TCF7L2: variants seen among roughly 807,000 people sequenced by gnomAD.
TCF7L2 encodes the protein transcription factor 7 like 2, also known as transcription factor 7-like 2.
TCF7L2 carries 23 observed loss-of-function variants against 77.9 expected under a neutral mutation model. The observed-to-expected ratio is 0.30, with a 90% confidence interval of 0.21 to 0.42. The LOEUF (loss-of-function observed/expected upper bound fraction) is 0.42. Among genes scored for constraint, TCF7L2 ranks in the 10% least tolerant of loss-of-function variants. TCF7L2 has a pLI of 1.00. For missense variants in TCF7L2, 654 were observed against 793.1 expected, an observed-to-expected ratio of 0.82 and a Z score of 2.11; for synonymous variants, 413 against 340.2, an observed-to-expected ratio of 1.21 and a Z score of -2.36.
At chr10:113,107,769 A>AAAAAAAAAC (rs2062573207) in intron 5 of TCF7L2, among the ~76,000 whole-genome samples, 1 of 151,130 alleles carries the variant, frequency 6.6e-6, no homozygotes, top group Non-Finnish European at 1.5e-5. Flanking sequence ...AAAAAAAAAA[A>AAAAAAAAAC]AAAAAAACAA....
chr10:113,051,232 CACACACACACAGACACAT>C (rs1241256026), intron 5 of TCF7L2, among the ~76,000 whole-genome samples: 2 of 148,778 alleles, frequency 1.3e-5, no homozygotes, highest in African/African-American at 4.9e-5. Flanking sequence ...CACACACACA[CACACACACACAGACACAT>C]ACATATGCAC....
intron 4 of TCF7L2, among the ~76,000 whole-genome samples, chr10:112,996,108 C>T (rs186250878): frequency 1.3e-5 from 2 of 152,036 alleles, no homozygotes; most frequent in African/African-American, 2.4e-5. Context: ...ACAGAGGATC[C>T]CATTTTACAG....
chr10:112,995,422 A>AC (rs2043290898), intron 4 of TCF7L2, among the ~76,000 whole-genome samples: 1 of 152,088 alleles, frequency 6.6e-6, no homozygotes, highest in South Asian at 2.1e-4. Context: ...GATGGGAGTG[A>AC]CCACCTGCTC....
rs1663561121 is a variant in TCF7L2 at position 113,151,890 on chromosome 10, T to C, written c.1161+6T>C. On this transcript the variant is annotated splice_donor_region_variant and intron_variant, in intron 10 of 13. Transcript: ENST00000627217. This position sits in a 1 kb window ranked among gnomAD's most constrained non-coding sequence, Gnocchi z 5.2. ...ACCAGATCCTTGGGCGGAGGGTAGG[T>C]GACGCCCTTCTCAGGGAGAAGCGGG... is the stretch of plus-strand genomic sequence containing the variant. 13 of 1,593,180 alleles carry C rather than the reference T, an allele frequency of 8.2e-6. No homozygotes were observed. The highest frequency in any genetic ancestry group is 1.0e-5 in the Non-Finnish European group (12 of 1,173,900).
intron 5 of TCF7L2, chr10:113,089,383 T>C (rs1335440241): frequency 6.2e-7 from 1 of 1,611,458 alleles, no homozygotes; most frequent in Admixed American, 1.7e-5. Context: ...TCTGTTCCCC[T>C]TTCTTCCTGG....
At position 113,151,715 on chromosome 10, in the gene TCF7L2, C is replaced by A; in HGVS notation, c.1002-10C>A. ...GTTTATTGGGTTGCGTCTGTTTTGT[C>A]TATCTCCAGAAAGCATCAGGACTCC... On this transcript the variant is annotated splice_polypyrimidine_tract_variant and intron_variant, in intron 9 of 13. Transcript: ENST00000627217. This position sits in a 1 kb window ranked among gnomAD's most constrained non-coding sequence, Gnocchi z 5.2. The A allele has an allele frequency of 6.3e-7, 1 of 1,578,114 alleles. No homozygotes were observed. Among genetic ancestry groups the A allele is most frequent in the Admixed American group, 2.0e-5 (1 of 50,312 alleles).
chr10:113,058,768 A>AGAG (rs2055860731), intron 5 of TCF7L2, among the ~76,000 whole-genome samples: 1 of 152,112 alleles, frequency 6.6e-6, no homozygotes, highest in East Asian at 1.9e-4. Flanking sequence ...TGGGAAATAG[A>AGAG]GAGACCCGCA....
chr10:113,107,474 TGGCTCATGCCTATA>T lies in TCF7L2; in HGVS notation c.553-33709_553-33696del, dbSNP rs1396006231. On this transcript the variant is annotated intron_variant, in intron 5 of 13. Transcript: ENST00000627217. ...GACATCAAGTTGCGGCCGGGCGTGG[TGGCTCATGCCTATA>T]ATCTCAGCACTCTGGGAGGCCGAGG... is the stretch of plus-strand genomic sequence containing the variant. 1.8e-3 allele frequency among the ~76,000 whole-genome samples: 267 copies of T among 152,146 alleles called. 1 individual carries two copies. Among genetic ancestry groups the T allele is most frequent in the African/African-American group, 5.9e-3 (244 of 41,486 alleles).
In TCF7L2 at chr10:113,165,862, GC is replaced by G. The variant is rs1189031682; in HGVS notation, c.1704del (p.Ser569ProfsTer33). 7 of 1,605,984 alleles carry G rather than the reference GC, an allele frequency of 4.4e-6. No homozygotes were observed. Among genetic ancestry groups the G allele is most frequent in the South Asian group, 1.1e-5 (1 of 90,430 alleles). On this transcript the variant is annotated frameshift_variant, in exon 14 of 14. Coordinates refer to ENST00000627217, the MANE Select transcript of TCF7L2 (RefSeq NM_001146274.2). LOFTEE classifies it high-confidence loss of function. ...GCCCCCAGCCGCTTTGCAGCCTGCC[GC>G]CCCCTCCTCATCAATTGCACAGCCG... is the stretch of plus-strand genomic sequence containing the variant.
intron 4 of TCF7L2, among the ~76,000 whole-genome samples, chr10:112,968,958 T>C (rs2037629709): frequency 6.6e-6 from 1 of 152,064 alleles, no homozygotes; most frequent in African/African-American, 2.4e-5. Flanking sequence ...AGCGCTTCTA[T>C]TGTGGTTTGA....
chr10:113,065,970 G>A (rs1042069335), intron 5 of TCF7L2, among the ~76,000 whole-genome samples: 11 of 152,200 alleles, frequency 7.2e-5, no homozygotes, highest in African/African-American at 2.2e-4. Context: ...GTCCGTGCAT[G>A]AAAGCAGAAA....
intron 4 of TCF7L2, among the ~76,000 whole-genome samples, chr10:113,010,456 C>G (rs1399867930): frequency 3.3e-5 from 5 of 152,156 alleles, no homozygotes; most frequent in African/African-American, 1.2e-4. Context: ...GGATAGTAAG[C>G]TCTGAGTCCT....
intron 4 of TCF7L2, among the ~76,000 whole-genome samples, chr10:112,996,998 C>A (rs1179327607): frequency 6.6e-6 from 1 of 152,202 alleles, no homozygotes; most frequent in Non-Finnish European, 1.5e-5. Flanking sequence ...AGGAGCTGAG[C>A]TGAATTCTAA....
chr10:113,023,949 C>T (rs187426056), intron 4 of TCF7L2, among the ~76,000 whole-genome samples: 8 of 151,850 alleles, frequency 5.3e-5, no homozygotes, highest in South Asian at 4.2e-4. Context: ...TGAGCCACTG[C>T]GACTTGCATG....
At chr10:113,160,383 T>C (rs925559068) in intron 12 of TCF7L2, among the ~76,000 whole-genome samples, 15 of 151,744 alleles carry the variant, frequency 9.9e-5, no homozygotes, top group Non-Finnish European at 2.2e-4. Flanking sequence ...ATTTTTTCAT[T>C]GTTGTTTTTT....
intron 5 of TCF7L2, among the ~76,000 whole-genome samples, chr10:113,128,511 C>T (rs1445419639): frequency 1.3e-5 from 2 of 152,096 alleles, no homozygotes; most frequent in Non-Finnish European, 2.9e-5. Context: ...CCTTAGGTGT[C>T]CTGCCGCCAG....
At chr10:113,075,658 C>A (rs530749248) in intron 5 of TCF7L2, among the ~76,000 whole-genome samples, 4 of 152,186 alleles carry the variant, frequency 2.6e-5, no homozygotes, top group African/African-American at 9.6e-5. Context: ...GCTTCTCAAG[C>A]TGTGAAAGGT....
chr10:113,010,572 T>C (rs946297621), intron 4 of TCF7L2, among the ~76,000 whole-genome samples: 2 of 152,212 alleles, frequency 1.3e-5, no homozygotes, highest in Non-Finnish European at 2.9e-5. Flanking sequence ...CTCCATTTTG[T>C]AGACAAGACA....
At chr10:112,962,760 G>C (rs1384424025) in intron 3 of TCF7L2, among the ~76,000 whole-genome samples, 1 of 152,072 alleles carries the variant, frequency 6.6e-6, no homozygotes, top group Non-Finnish European at 1.5e-5. Flanking sequence ...CACCACGCCT[G>C]GCTAATTTTT....
Sources: gnomAD v4.1 joint callset for allele counts (sites outside exome capture counted in the v4.1 genomes callset) on GRCh38, gnomAD v4.1.1 for gene constraint, Gnocchi (gnomAD v3.1) non-coding constraint, MANE v1.5 for transcripts, NCBI Gene and HGNC (gene_info 2026-07-23, HGNC 2026-07-21) for gene names.